EXOC4: variants seen among roughly 807,000 people sequenced by gnomAD.
EXOC4 encodes the protein exocyst complex component 4, also known as SEC8-like 1.
EXOC4 carries 71 observed loss-of-function variants against 107.2 expected under a neutral mutation model. The ratio of observed to expected loss-of-function variants is 0.66; its 90% CI spans 0.55 to 0.81. EXOC4 has a LOEUF of 0.81. Among genes scored for constraint, EXOC4 ranks in the 30% least tolerant of loss-of-function variants. EXOC4 has a pLI of 0.00. For synonymous variants in EXOC4, 456 were observed against 441.2 expected (o/e 1.03, Z -0.42); for missense variants, 1,108 against 1,189.6 (o/e 0.93, Z 1.01).
intron 7 of EXOC4, among the ~76,000 whole-genome samples, chr7:133,381,773 A>T (rs1390632314): frequency 6.6e-6 from 1 of 152,160 alleles, no homozygotes; most frequent in Non-Finnish European, 1.5e-5. Flanking sequence ...GTCACTGTGG[A>T]TAAGGACTAC....
chr7:134,026,536 A>G (rs902591651), intron 17 of EXOC4, among the ~76,000 whole-genome samples: 6 of 151,078 alleles, frequency 4.0e-5, no homozygotes, highest in Non-Finnish European at 7.4e-5. Flanking sequence ...GATACTAGAT[A>G]AACAAAAACG....
intron 5 of EXOC4, among the ~76,000 whole-genome samples, chr7:133,354,894 GTTACA>G (rs1287783822): frequency 6.6e-6 from 1 of 152,164 alleles, no homozygotes; most frequent in Non-Finnish European, 1.5e-5. Flanking sequence ...TTACAAAATA[GTTACA>G]TCAGACAGAT....
At chr7:133,833,416 C>A (rs759378688) in intron 11 of EXOC4, among the ~76,000 whole-genome samples, 75 of 152,176 alleles carry the variant, frequency 4.9e-4, no homozygotes, top group Non-Finnish European at 8.8e-5. Context: ...GGGAGCTAAA[C>A]CCGAAGGAGT....
At chr7:134,080,458 C>A in the EXOC4 span, among the ~76,000 whole-genome samples, 2 of 151,906 alleles carry the variant, frequency 1.3e-5, no homozygotes, top group Non-Finnish European at 2.9e-5. Flanking sequence ...TCTGGTGTAA[C>A]CACTAAGGAG....
intron 10 of EXOC4, among the ~76,000 whole-genome samples, chr7:133,657,389 C>T (rs1386140545): frequency 2.6e-5 from 4 of 152,058 alleles, no homozygotes; most frequent in African/African-American, 9.7e-5. Flanking sequence ...TTAGTTCTAT[C>T]CCAACTCCCT....
intron 17 of EXOC4, chr7:134,010,395 G>A (rs1477780369): frequency 3.3e-5 from 5 of 152,128 alleles, no homozygotes; most frequent in East Asian, 1.9e-4. Flanking sequence ...TTCGTTCTTT[G>A]TAAAACAGAA....
At chr7:133,605,496 T>A (rs1378221460) in intron 9 of EXOC4, among the ~76,000 whole-genome samples, 1 of 152,188 alleles carries the variant, frequency 6.6e-6, no homozygotes, top group Non-Finnish European at 1.5e-5. Flanking sequence ...AATGGAACCA[T>A]GAAATGTGTG....
At chr7:133,345,192 G>A (rs1795756469) in intron 5 of EXOC4, among the ~76,000 whole-genome samples, 1 of 152,002 alleles carries the variant, frequency 6.6e-6, no homozygotes, top group Admixed American at 6.6e-5. Context: ...CATTAAATTT[G>A]CACATCTCTG....
chr7:133,729,781 A>G (rs1240956863), intron 10 of EXOC4, among the ~76,000 whole-genome samples: 1 of 152,126 alleles, frequency 6.6e-6, no homozygotes, highest in Non-Finnish European at 1.5e-5. Context: ...TGAAATAGTC[A>G]TAATCAGCTT....
chr7:133,676,086 C>T (rs138683613), intron 10 of EXOC4, among the ~76,000 whole-genome samples: 2 of 151,802 alleles, frequency 1.3e-5, no homozygotes, highest in Admixed American at 1.3e-4. Context: ...AGCAGGTGGT[C>T]GCAAAATTCG....
intron 7 of EXOC4, among the ~76,000 whole-genome samples, chr7:133,391,656 G>A (rs1369397292): frequency 6.6e-6 from 1 of 152,156 alleles, no homozygotes; most frequent in Non-Finnish European, 1.5e-5. Flanking sequence ...ATGATGTTGA[G>A]GAAATACATC....
chr7:133,980,479 A>C (rs963101111), intron 14 of EXOC4, among the ~76,000 whole-genome samples: 2 of 152,196 alleles, frequency 1.3e-5, no homozygotes, highest in East Asian at 3.9e-4. Context: ...AACAGGTTTA[A>C]CGATTTCCCC....
At chr7:133,301,224 A>C (rs997670666) in intron 3 of EXOC4, among the ~76,000 whole-genome samples, 13 of 152,218 alleles carry the variant, frequency 8.5e-5, no homozygotes, top group Admixed American at 3.3e-4. Context: ...AGCGGCAGGT[A>C]GGTGACCTGG....
chr7:133,885,146 T>C (rs892128561), intron 11 of EXOC4, among the ~76,000 whole-genome samples: 1 of 151,952 alleles, frequency 6.6e-6, no homozygotes, highest in African/African-American at 2.4e-5. Flanking sequence ...AAACCCCGTC[T>C]CTACTAAAAA....
intron 9 of EXOC4, among the ~76,000 whole-genome samples, chr7:133,501,970 G>T (rs146804470): frequency 6.6e-6 from 1 of 152,194 alleles, no homozygotes; most frequent in African/African-American, 2.4e-5. Flanking sequence ...AAACCAGGGC[G>T]ATTTATGACT....
rs535907056 is a variant in EXOC4, at chr7:133,441,565, A to AT, written c.1183-33756dup. On this transcript the variant is annotated intron_variant, in intron 7 of 17. Coordinates refer to ENST00000253861, the MANE Select transcript of EXOC4 (RefSeq NM_021807.4). ...GCCACCATGCCTGGCTAATTTTTGT[A>AT]TTTTTTTCTGTAGAGATGTGGTTTC... is the stretch of plus-strand genomic sequence containing the variant. 4.9e-3 allele frequency among the ~76,000 whole-genome samples: 746 copies of AT among 151,586 alleles called. 3 individuals are homozygous for AT. The highest frequency in any genetic ancestry group is 0.017 in the African/African-American group (697 of 41,294).
At chr7:133,472,409 G>A (rs1350736265) in intron 7 of EXOC4, among the ~76,000 whole-genome samples, 4 of 152,144 alleles carry the variant, frequency 2.6e-5, no homozygotes, top group Non-Finnish European at 5.9e-5. Context: ...CAAAGGATGT[G>A]GAAATGTATC....
chr7:133,868,414 T>C (rs1430986081), intron 11 of EXOC4, among the ~76,000 whole-genome samples: 1 of 152,214 alleles, frequency 6.6e-6, no homozygotes, highest in African/African-American at 2.4e-5. Context: ...TTCTGTTTTC[T>C]TCCACCCTTG....
At chr7:133,809,416 T>G (rs2151204744) in intron 10 of EXOC4, among the ~76,000 whole-genome samples, 1 of 152,338 alleles carries the variant, frequency 6.6e-6, no homozygotes, top group Non-Finnish European at 1.5e-5. Flanking sequence ...ATGCAACTTT[T>G]CACATAGAAA....
Sources: gnomAD v4.1 joint callset for allele counts (sites outside exome capture counted in the v4.1 genomes callset) on GRCh38, gnomAD v4.1.1 for gene constraint, MANE v1.5 for transcripts, NCBI Gene and HGNC (gene_info 2026-07-23, HGNC 2026-07-21) for gene names.